Variants in SLC26A5 observed in about 807,000 individuals in gnomAD.
SLC26A5 encodes the protein prestin.
Under a neutral mutation model 81.0 loss-of-function variants are expected in SLC26A5, and 51 were observed. The ratio of observed to expected loss-of-function variants is 0.63; its 90% CI spans 0.50 to 0.80. The LOEUF (loss-of-function observed/expected upper bound fraction) is 0.80. Ranked by LOEUF, SLC26A5 falls within the 30% of genes least tolerant of loss-of-function variation. The pLI is 0.00. For synonymous variants in SLC26A5, 325 were observed against 332.8 expected, an observed-to-expected ratio of 0.98 and a Z score of 0.25; for missense variants, 771 against 905.8, an observed-to-expected ratio of 0.85 and a Z score of 1.91.
intron 7 of SLC26A5, 145 bp downstream of exon 7, chr7:103,410,240 C>T (rs982027252): frequency 2.8e-5 from 21 of 737,614 alleles, no homozygotes; most frequent in Non-Finnish European, 4.3e-5. Flanking sequence ...TTTCAGAAAA[C>T]CTTAGAATAA....
At chr7:103,405,082 C>G (rs1201074374) in intron 8 of SLC26A5, among the ~76,000 whole-genome samples, 2 of 152,094 alleles carry the variant, frequency 1.3e-5, no homozygotes, top group African/African-American at 4.8e-5. Flanking sequence ...AGCAATTCCT[C>G]TAACCTTTTT....
chr7:103,358,876 C>G (rs1005851204), intron 19 of SLC26A5, among the ~76,000 whole-genome samples: 1 of 152,014 alleles, frequency 6.6e-6, no homozygotes, highest in South Asian at 2.1e-4. Flanking sequence ...AGATCCCAGG[C>G]CTTAAAGAAA....
intron 4 of SLC26A5, among the ~76,000 whole-genome samples, chr7:103,414,387 G>A (rs1398206894): frequency 6.6e-6 from 1 of 151,838 alleles, no homozygotes; most frequent in Non-Finnish European, 1.5e-5. Context: ...ATGTTTCCCA[G>A]GCTGGTCTTG....
intron 8 of SLC26A5, among the ~76,000 whole-genome samples, chr7:103,406,738 C>T (rs1042897856): frequency 2.6e-5 from 4 of 152,200 alleles, no homozygotes; most frequent in African/African-American, 7.2e-5. Context: ...TCACTGCAAC[C>T]TCTGCCTCCC....
chr7:103,390,585 TG>T, intron 11 of SLC26A5, 79 bp from the exon 12 acceptor site: 3 of 1,114,218 alleles, frequency 2.7e-6, no homozygotes, highest in Non-Finnish European at 2.8e-6. Context: ...TTTATTCTTT[TG>T]ATAATTACTA....
intron 6 of SLC26A5, among the ~76,000 whole-genome samples, chr7:103,411,094 T>C (rs894852860): frequency 6.6e-6 from 1 of 152,154 alleles, no homozygotes; most frequent in Non-Finnish European, 1.5e-5. Flanking sequence ...GCTGGGGGCA[T>C]GCTTCATCAT....
At chr7:103,416,635 A>T (rs1025086403) in intron 4 of SLC26A5, among the ~76,000 whole-genome samples, 4 of 151,964 alleles carry the variant, frequency 2.6e-5, no homozygotes, top group Non-Finnish European at 5.9e-5. Flanking sequence ...CCAATTTCCC[A>T]GTGTTTTGTA....
rs960631702 is a variant in SLC26A5 at position 103,432,339 on chromosome 7, G to A, written c.-54+10744C>T. ...TATTCTCCCTTTTCTCTTTCCTTCT[G>A]GAATTTCTATTTGACATTTGTTGGA... On this transcript the variant is annotated intron_variant, in intron 2 of 19. Transcript: ENST00000306312. Among the ~76,000 whole-genome samples the A allele has an allele frequency of 2.6e-5, 4 of 152,108 alleles. No homozygotes were observed. In the East Asian group the frequency reaches 7.7e-4, roughly 29 times the overall value.
In SLC26A5 at chr7:103,354,224, G is replaced by T. The variant is rs1471439772; in HGVS notation, c.2042-1298C>A. Among the ~76,000 whole-genome samples the T allele has an allele frequency of 1.3e-5, 2 of 152,132 alleles. 1 individual carries two copies. The highest frequency in any genetic ancestry group is 4.1e-4 in the South Asian group (2 of 4,820). On this transcript the variant is annotated intron_variant, in intron 19 of 19. Transcript: ENST00000339444. ...TTTATGTATTATTTTAATACTATTCGTGATTAAAATGTGATGCTATATTGA... is the reference window on the plus strand; with the variant it reads ...TTTATGTATTATTTTAATACTATTCTTGATTAAAATGTGATGCTATATTGA...
chr7:103,391,988 C>T (rs930803956), intron 10 of SLC26A5, among the ~76,000 whole-genome samples: 4 of 152,208 alleles, frequency 2.6e-5, no homozygotes, highest in African/African-American at 9.6e-5. Flanking sequence ...TTTCCAAACA[C>T]ACCCTCTACA....
intron 2 of SLC26A5, among the ~76,000 whole-genome samples, chr7:103,423,099 TAAA>T (rs564122483): frequency 2.3e-5 from 2 of 87,818 alleles, no homozygotes; most frequent in African/African-American, 4.4e-5. Flanking sequence ...CTGCCTCTAC[TAAA>T]AAAAAAAAAA....
intron 19 of SLC26A5, chr7:103,362,770 TG>T (rs1820483116): frequency 6.6e-7 from 1 of 1,513,196 alleles, no homozygotes; most frequent in African/African-American, 1.4e-5. Context: ...TAAGAAACTA[TG>T]GGAGGGAAAA....
At position 103,374,309 on chromosome 7, in the gene SLC26A5, G is replaced by GAA; in HGVS notation, c.*88_*89dup. ...CCTGGACTACTAGTATTCACCCTTAGAAAAAAAAATCTAGCGTCTAGTATT... is the reference window on the plus strand; with the variant it reads ...CCTGGACTACTAGTATTCACCCTTAGAAAAAAAAAAATCTAGCGTCTAGTATT... On this transcript the variant is annotated 3_prime_UTR_variant, in exon 20 of 20. Transcript: ENST00000306312. 6.4e-7 allele frequency: 1 copy of GAA among 1,552,138 alleles called. No individual in the cohort carries two copies. Among genetic ancestry groups the GAA allele is most frequent in the Admixed American group, 2.0e-5 (1 of 51,156 alleles).
intron 14 of SLC26A5, among the ~76,000 whole-genome samples, chr7:103,385,124 A>G (rs911659410): frequency 2.0e-5 from 3 of 152,198 alleles, no homozygotes; most frequent in Non-Finnish European, 4.4e-5. Flanking sequence ...GCCTGAATTC[A>G]GGAATTATCT....
intron 19 of SLC26A5, chr7:103,362,401 G>T (rs1215424751): frequency 5.2e-6 from 7 of 1,335,266 alleles, no homozygotes; most frequent in Non-Finnish European, 6.7e-6. Flanking sequence ...GTGATGCTAA[G>T]TGTGTTAATG....
chr7:103,437,215 C>T (rs895302479), intron 2 of SLC26A5, among the ~76,000 whole-genome samples: 1 of 152,182 alleles, frequency 6.6e-6, no homozygotes, highest in African/African-American at 2.4e-5. Flanking sequence ...GGGAAATGCA[C>T]TTTAAAAACA....
chr7:103,422,916 C>T (rs1394001850), intron 2 of SLC26A5, among the ~76,000 whole-genome samples: 1 of 151,958 alleles, frequency 6.6e-6, no homozygotes, highest in East Asian at 1.9e-4. Context: ...TTGGTCAATA[C>T]AACTCCTTCA....
rs2116457707 is a variant in SLC26A5 at position 103,389,034 on chromosome 7, C to T, written c.1488G>A (p.Leu496=). 1.2e-6 allele frequency: 2 copies of T among 1,613,254 alleles called. No homozygotes were observed. The highest frequency in any genetic ancestry group is 3.3e-4 in the Middle Eastern group (2 of 6,054). ...TCTGTGTTCTGTAAATCACAGTCAG[C>T]AGAGCAATGATCACAGCAGTGATCA... The part of the protein sequence containing the change: ...YGLITAVIIA[L]LTVIYRTQSP... Residue 496 remains leucine, a synonymous_variant, in exon 14 of 20, where the codon CTG becomes CTA. Transcript: ENST00000306312.
chr7:103,443,367 A>C (rs939493779), intron 1 of SLC26A5, among the ~76,000 whole-genome samples, 156 bp from the exon 2 acceptor site: 1 of 152,214 alleles, frequency 6.6e-6, no homozygotes, highest in Admixed American at 6.5e-5. Context: ...AGTGGCTTAC[A>C]TGCGATAGAC....
Sources: allele counts gnomAD v4.1 joint callset (sites outside exome capture counted in the v4.1 genomes callset), GRCh38; gene constraint gnomAD v4.1.1; transcripts MANE v1.5; gene names NCBI Gene and HGNC (gene_info 2026-07-23, HGNC 2026-07-21).